CARMIL1: variants seen among roughly 807,000 people sequenced by gnomAD.
CARMIL1 encodes the protein capping protein regulator and myosin 1 linker 1, also known as F-actin-uncapping protein LRRC16A.
CARMIL1 carries 90 observed loss-of-function variants against 177.1 expected under a neutral mutation model. The observed-to-expected ratio is 0.51, with a 90% confidence interval of 0.43 to 0.61. The LOEUF (loss-of-function observed/expected upper bound fraction) is 0.61, where lower values mean the gene tolerates loss of function less well. Ranked by LOEUF, CARMIL1 falls within the 20% of genes least tolerant of loss-of-function variation. CARMIL1 has a pLI of 0.00. For synonymous variants in CARMIL1, 577 were observed against 606.2 expected, an observed-to-expected ratio of 0.95 and a Z score of 0.71; for missense variants, 1,380 against 1,667.0, an observed-to-expected ratio of 0.83 and a Z score of 3.00.
chr6:25,385,301 A>G (rs1456670314), intron 2 of CARMIL1, among the ~76,000 whole-genome samples: 2 of 152,182 alleles, frequency 1.3e-5, no homozygotes, highest in African/African-American at 4.8e-5. Flanking sequence ...CAGAGTTTGA[A>G]CTTCAGTTTG....
At chr6:25,328,625 A>C (rs911721964) in intron 2 of CARMIL1, among the ~76,000 whole-genome samples, 23 of 152,134 alleles carry the variant, frequency 1.5e-4, no homozygotes, top group African/African-American at 5.3e-4. Flanking sequence ...AAGTTTTGCT[A>C]TACAAGCTTA....
rs142807579 is a variant in CARMIL1 at position 25,324,148 on chromosome 6, G to A, written c.138+39239G>A. On this transcript the variant is annotated intron_variant, in intron 2 of 36. Coordinates refer to ENST00000329474, the MANE Select transcript of CARMIL1 (RefSeq NM_017640.6). ...TGCCCCACAAAGGAACAGACCTGTAGGAACACCTTCTCCTGTCTGCTGCTG... is the reference window on the plus strand; with the variant it reads ...TGCCCCACAAAGGAACAGACCTGTAAGAACACCTTCTCCTGTCTGCTGCTG... Among the ~76,000 whole-genome samples the A allele has an allele frequency of 4.5e-3, 683 of 152,290 alleles. 8 individuals are homozygous for A. The highest frequency in any genetic ancestry group is 0.015 in the African/African-American group (628 of 41,548).
At chr6:25,434,853 C>T (rs947854003) in intron 4 of CARMIL1, among the ~76,000 whole-genome samples, 14 of 151,990 alleles carry the variant, frequency 9.2e-5, no homozygotes, top group Non-Finnish European at 1.8e-4. Flanking sequence ...CCCTGCCGAT[C>T]GAAACTTTTA....
chr6:25,444,426 C>G (rs559258429), intron 5 of CARMIL1, among the ~76,000 whole-genome samples: 2 of 151,384 alleles, frequency 1.3e-5, no homozygotes, highest in Admixed American at 1.3e-4. Context: ...GCACAACATG[C>G]AGGTTTGATA....
chr6:25,285,018 T>A (rs2150128469), intron 2 of CARMIL1, 109 bp downstream of exon 2: 1 of 674,644 alleles, frequency 1.5e-6, no homozygotes, highest in Non-Finnish European at 2.5e-6. Context: ...TATATATTGT[T>A]CAAAAGTTCT....
chr6:25,297,467 C>T (rs890207959), intron 2 of CARMIL1, among the ~76,000 whole-genome samples: 1 of 152,228 alleles, frequency 6.6e-6, no homozygotes, highest in African/African-American at 2.4e-5. Flanking sequence ...ATTTTACTCT[C>T]TCTGAAGTGG....
intron 4 of CARMIL1, among the ~76,000 whole-genome samples, chr6:25,428,016 A>G (rs1012120555): frequency 6.6e-6 from 1 of 152,168 alleles, no homozygotes; most frequent in East Asian, 1.9e-4. Flanking sequence ...GAAGTTTTAA[A>G]TGTTGATGAA....
rs1805427840 is a variant in CARMIL1, at chr6:25,511,295, G to GT, written c.1632+536dup. On this transcript the variant is annotated intron_variant, in intron 20 of 36. Transcript: ENST00000329474. Reference sequence around the variant, plus strand: ...CCAAAATTTAGTTCAGGGTAAAGAAGTTTAATTTCAAATAGTATCTTATTT... The same window carrying GT: ...CCAAAATTTAGTTCAGGGTAAAGAAGTTTTAATTTCAAATAGTATCTTATTT... 2.0e-5 allele frequency among the ~76,000 whole-genome samples: 3 copies of GT among 152,236 alleles called. No homozygotes were observed. In the South Asian group the frequency reaches 6.2e-4, roughly 32 times the overall value.
chr6:25,369,016 AC>A (rs1790122687), intron 2 of CARMIL1, among the ~76,000 whole-genome samples: 1 of 152,216 alleles, frequency 6.6e-6, no homozygotes, highest in African/African-American at 2.4e-5. Flanking sequence ...TGAATTTAAA[AC>A]CCCTTACATG....
At chr6:25,447,374 C>G (rs1425079384) in intron 5 of CARMIL1, among the ~76,000 whole-genome samples, 1 of 152,164 alleles carries the variant, frequency 6.6e-6, no homozygotes, top group East Asian at 1.9e-4. Context: ...CTCCCAGGCC[C>G]TAGCATATTT....
chr6:25,374,728 G>A (rs1276114310), intron 2 of CARMIL1, among the ~76,000 whole-genome samples: 1 of 152,152 alleles, frequency 6.6e-6, no homozygotes, highest in Non-Finnish European at 1.5e-5. Flanking sequence ...ATCTAGGATT[G>A]TAATATCATC....
intron 2 of CARMIL1, among the ~76,000 whole-genome samples, chr6:25,368,653 A>G (rs577712264): frequency 2.8e-4 from 42 of 152,334 alleles, no homozygotes; most frequent in African/African-American, 1.0e-3. Flanking sequence ...GAATCACCCT[A>G]AAATCTCTAC....
chr6:25,491,276 A>T (rs963154004), intron 13 of CARMIL1, among the ~76,000 whole-genome samples: 1 of 152,208 alleles, frequency 6.6e-6, no homozygotes, highest in Non-Finnish European at 1.5e-5. Flanking sequence ...AAAAATCATT[A>T]TGTCGGACAG....
chr6:25,281,127 T>TGTGCGC (rs142017993), intron 1 of CARMIL1, among the ~76,000 whole-genome samples: 13,764 of 126,442 alleles, frequency 0.11, 933 homozygotes, highest in Non-Finnish European at 0.14. Context: ...CACGCGCGTG[T>TGTGCGC]GCGCGCGCGC....
intron 2 of CARMIL1, among the ~76,000 whole-genome samples, chr6:25,399,758 G>C (rs2150575003): frequency 6.6e-6 from 1 of 152,226 alleles, no homozygotes; most frequent in East Asian, 1.9e-4. Flanking sequence ...TTGCTTTACT[G>C]ATATGTTAAG....
At chr6:25,460,962 G>C (rs1327223772) in intron 8 of CARMIL1, among the ~76,000 whole-genome samples, 2 of 151,594 alleles carry the variant, frequency 1.3e-5, no homozygotes, top group African/African-American at 2.4e-5. Flanking sequence ...TTCAATCACC[G>C]TTCCCTCCTT....
intron 2 of CARMIL1, among the ~76,000 whole-genome samples, chr6:25,393,906 A>T (rs1015886506): frequency 2.9e-4 from 44 of 152,146 alleles, no homozygotes; most frequent in Non-Finnish European, 5.4e-4. Flanking sequence ...ATTGTTATTG[A>T]TGAATAATAC....
intron 29 of CARMIL1, among the ~76,000 whole-genome samples, chr6:25,564,238 T>C (rs1373642226): frequency 6.6e-6 from 1 of 152,144 alleles, no homozygotes; most frequent in Non-Finnish European, 1.5e-5. Flanking sequence ...CAGCAGCTCA[T>C]GCATGATCTT....
intron 2 of CARMIL1, among the ~76,000 whole-genome samples, chr6:25,292,699 G>C (rs947271682): frequency 2.6e-5 from 4 of 152,022 alleles, no homozygotes; most frequent in African/African-American, 9.7e-5. Flanking sequence ...CACCAGGCTC[G>C]GTGTAACTTT....
Sources: allele counts gnomAD v4.1 joint callset (sites outside exome capture counted in the v4.1 genomes callset), GRCh38; gene constraint gnomAD v4.1.1; transcripts MANE v1.5; gene names NCBI Gene and HGNC (gene_info 2026-07-23, HGNC 2026-07-21).